Variants in CHLSN observed in about 807,000 individuals in gnomAD.
The protein encoded by CHLSN is protein cholesin.
the CHLSN span, chr7:1,093,093 G>T: frequency 1.5e-6 from 1 of 674,016 alleles, no homozygotes. Flanking sequence ...CGCTCGCCCC[G>T]CAGGGTCCAA....
At chr7:1,012,078 C>T in the CHLSN span, among the ~76,000 whole-genome samples, 1 of 152,280 alleles carries the variant, frequency 6.6e-6, no homozygotes, top group South Asian at 2.1e-4. Flanking sequence ...GGGGCAGGCA[C>T]AACAACTGGC....
At chr7:1,100,770 TA>T in the CHLSN span, among the ~76,000 whole-genome samples, 30 of 143,950 alleles carry the variant, frequency 2.1e-4, no homozygotes, top group African/African-American at 2.6e-4. Flanking sequence ...TTCTTGTGGT[TA>T]AAAAAAAAAA....
At chr7:1,010,235 A>G in the CHLSN span, 1 of 1,182,074 alleles carries the variant, frequency 8.5e-7, no homozygotes, top group Non-Finnish European at 1.2e-6. Context: ...CCCTCACCTC[A>G]GTAGTGGCCA....
chr7:1,040,101 C>T, the CHLSN span, among the ~76,000 whole-genome samples: 1 of 122,940 alleles, frequency 8.1e-6, no homozygotes, highest in Non-Finnish European at 2.0e-5. Flanking sequence ...ATCTGCTGAC[C>T]TTCCCTCCAC....
chr7:1,081,598 G>A, the CHLSN span, among the ~76,000 whole-genome samples: 11 of 152,224 alleles, frequency 7.2e-5, no homozygotes, highest in South Asian at 6.2e-4. Flanking sequence ...CGCTTACGTC[G>A]TTTGGTAGCC....
the CHLSN span, among the ~76,000 whole-genome samples, chr7:1,048,061 G>C: frequency 3.3e-5 from 5 of 152,174 alleles, no homozygotes; most frequent in African/African-American, 4.8e-5. Context: ...GGAGGGGTGT[G>C]GAGACAGTGG....
At chr7:983,381 T>G in the CHLSN span, 3 of 1,509,876 alleles carry the variant, frequency 2.0e-6, no homozygotes, top group Non-Finnish European at 2.7e-6. Context: ...CGGTCCCTGA[T>G]GGAGGTAAGT....
the CHLSN span, chr7:987,535 G>A: frequency 2.1e-4 from 324 of 1,515,878 alleles, no homozygotes; most frequent in Middle Eastern, 2.0e-3. Flanking sequence ...CCCCAAGGTG[G>A]GGCTGGGCCT....
chr7:1,029,325 A>C, the CHLSN span, among the ~76,000 whole-genome samples: 1 of 152,292 alleles, frequency 6.6e-6, no homozygotes, highest in East Asian at 1.9e-4. Context: ...ACAGGGTCTC[A>C]CTACGTTGCC....
the CHLSN span, among the ~76,000 whole-genome samples, chr7:1,082,705 G>A: frequency 9.9e-5 from 15 of 152,178 alleles, no homozygotes; most frequent in African/African-American, 3.6e-4. Context: ...GCATGATCCT[G>A]GTCCTGTGTC....
chr7:981,307 A>AAAAAG, the CHLSN span, among the ~76,000 whole-genome samples: 2 of 151,552 alleles, frequency 1.3e-5, no homozygotes, highest in Admixed American at 6.6e-5. Flanking sequence ...AAAAAAAAAA[A>AAAAAG]AAAAGAAAAG....
the CHLSN span, among the ~76,000 whole-genome samples, chr7:1,114,613 C>T: frequency 6.6e-6 from 1 of 152,384 alleles, no homozygotes; most frequent in Admixed American, 6.5e-5. Flanking sequence ...CCAAGGGCTA[C>T]CCCCTTCCCC....
the CHLSN span, among the ~76,000 whole-genome samples, chr7:1,131,251 T>G: frequency 1.3e-5 from 2 of 148,158 alleles, no homozygotes; most frequent in East Asian, 3.9e-4. Flanking sequence ...GAGCAGCAGT[T>G]TAAAAAGCAT....
At chr7:1,057,988 C>A in the CHLSN span, 2 of 770,616 alleles carry the variant, frequency 2.6e-6, no homozygotes, top group Non-Finnish European at 4.8e-6. Context: ...GCGCTGCTGA[C>A]CAGCTTCTCC....
the CHLSN span, among the ~76,000 whole-genome samples, chr7:1,031,070 C>G: frequency 3.9e-5 from 6 of 152,176 alleles, no homozygotes; most frequent in Non-Finnish European, 8.8e-5. Flanking sequence ...CACTGAGACC[C>G]TAGAGCCCCC....
At chr7:1,017,506 C>G in the CHLSN span, among the ~76,000 whole-genome samples, 1 of 152,150 alleles carries the variant, frequency 6.6e-6, no homozygotes, top group South Asian at 2.1e-4. Flanking sequence ...GCTCCAGTGT[C>G]GCTGCCATCG....
At chr7:1,059,896 T>TC in the CHLSN span, among the ~76,000 whole-genome samples, 1 of 84,984 alleles carries the variant, frequency 1.2e-5, no homozygotes, top group Non-Finnish European at 2.5e-5. Flanking sequence ...GTGAGGCGGG[T>TC]CTTAGTGAGG....
At chr7:1,096,499 G>A in the CHLSN span, among the ~76,000 whole-genome samples, 5 of 152,184 alleles carry the variant, frequency 3.3e-5, no homozygotes, top group South Asian at 4.1e-4. This position sits in a 1 kb window ranked among gnomAD's most constrained non-coding sequence, Gnocchi z 4.6. Flanking sequence ...CGTGGGTGCC[G>A]CCGGCGCAGC....
At chr7:1,131,943 C>G in the CHLSN span, among the ~76,000 whole-genome samples, 9 of 152,174 alleles carry the variant, frequency 5.9e-5, no homozygotes, top group East Asian at 1.7e-3. Context: ...TGATTTTCAA[C>G]AAGAGTGCCA....
Sources: gnomAD v4.1 joint callset for allele counts (sites outside exome capture counted in the v4.1 genomes callset) on GRCh38, gnomAD v4.1.1 for gene constraint, Gnocchi (gnomAD v3.1) non-coding constraint, MANE v1.5 for transcripts, NCBI Gene and HGNC (gene_info 2026-07-23, HGNC 2026-07-21) for gene names.